SMG7: variants seen among roughly 807,000 people sequenced by gnomAD.
The protein encoded by SMG7 is nonsense-mediated mRNA decay factor SMG7.
SMG7 carries 34 observed loss-of-function variants against 148.2 expected under a neutral mutation model. The observed-to-expected ratio is 0.23, with a 90% CI of 0.17 to 0.31. The LOEUF is 0.31. SMG7 is among the 10% of genes least tolerant of loss of function. The pLI is 1.00. For synonymous variants in SMG7, 492 were observed against 515.1 expected (o/e 0.96, Z 0.61); for missense variants, 1,114 against 1,408.4 (o/e 0.79, Z 3.35).
rs762619434 is a variant in SMG7, at chr1:183,542,374, G to T, written c.1714G>T (p.Asp572Tyr). 1.2e-6 allele frequency: 2 copies of T among 1,613,908 alleles called. No homozygotes were observed. The highest frequency in any genetic ancestry group is 1.7e-6 in the Non-Finnish European group (2 of 1,179,938). ...RSFPPKEVRR[D>Y]YSKGITVTKN... Reference sequence around the variant, plus strand: ...TTTTCCTCCCAAAGAGGTGAGAAGGGACTATAGCAAAGGAATAACTGTAAC... The same window carrying T: ...TTTTCCTCCCAAAGAGGTGAGAAGGTACTATAGCAAAGGAATAACTGTAAC... Residue 572 changes from aspartate (D) to tyrosine (Y), a missense_variant, in exon 14 of 23, where the codon GAC becomes TAC. Asp to Tyr is a radical substitution (Grantham distance 160). Transcript: ENST00000688051.
intron 1 of SMG7, 161 bp downstream of exon 1, chr1:183,472,810 G>A: frequency 1.7e-6 from 1 of 583,084 alleles, no homozygotes; most frequent in Non-Finnish European, 2.6e-6. Flanking sequence ...GGGAGGGGGC[G>A]GAACGGGTAT....
chr1:183,526,872 A>G, intron 5 of SMG7, 105 bp downstream of exon 5: 1 of 885,036 alleles, frequency 1.1e-6, no homozygotes, highest in East Asian at 2.8e-5. Flanking sequence ...CACACAATTT[A>G]GATTGTCATA....
chr1:183,517,239 T>G (rs1310349505), intron 3 of SMG7, among the ~76,000 whole-genome samples: 2 of 152,186 alleles, frequency 1.3e-5, no homozygotes, highest in Non-Finnish European at 2.9e-5. Context: ...GGGAAATAAC[T>G]TTTGGGGAAG....
chr1:183,493,794 G>C (rs1657671191), intron 1 of SMG7, among the ~76,000 whole-genome samples: 1 of 152,134 alleles, frequency 6.6e-6, no homozygotes, highest in South Asian at 2.1e-4. Flanking sequence ...TGGCCAGGCT[G>C]TTCTCGAATG....
At chr1:183,510,924 G>A (rs1661968523) in intron 1 of SMG7, among the ~76,000 whole-genome samples, 1 of 151,818 alleles carries the variant, frequency 6.6e-6, no homozygotes, top group Non-Finnish European at 1.5e-5. Flanking sequence ...CTGGGAGGCG[G>A]AGCTTGCAGT....
chr1:183,490,225 A>C (rs970334903), intron 1 of SMG7, among the ~76,000 whole-genome samples: 3 of 152,240 alleles, frequency 2.0e-5, no homozygotes, highest in African/African-American at 7.2e-5. Context: ...AGGTAATCAG[A>C]AAGTAAAGCC....
chr1:183,490,008 A>T (rs1247812284), intron 1 of SMG7, among the ~76,000 whole-genome samples: 1 of 152,222 alleles, frequency 6.6e-6, no homozygotes, highest in Non-Finnish European at 1.5e-5. Flanking sequence ...CTGAATCAGA[A>T]CCTCTTGGGA....
chr1:183,482,721 AT>A (rs1266803872), intron 1 of SMG7, among the ~76,000 whole-genome samples: 1 of 152,144 alleles, frequency 6.6e-6, no homozygotes, highest in African/African-American at 2.4e-5. Flanking sequence ...AAGTTAAACT[AT>A]CATAGGTAAA....
intron 19 of SMG7, 135 bp from the exon 20 acceptor site, chr1:183,549,629 A>G (rs112772511): frequency 1.4e-6 from 1 of 724,974 alleles, no homozygotes; most frequent in East Asian, 2.5e-5. Context: ...TTGAAACAAA[A>G]AGAAATAAAA....
chr1:183,521,689 G>A (rs1156341744), intron 4 of SMG7, among the ~76,000 whole-genome samples: 1 of 152,002 alleles, frequency 6.6e-6, no homozygotes, highest in Non-Finnish European at 1.5e-5. Flanking sequence ...AACGTGGTGA[G>A]ACCCTATTCT....
At chr1:183,491,749 C>T (rs891050069) in intron 1 of SMG7, among the ~76,000 whole-genome samples, 1 of 151,998 alleles carries the variant, frequency 6.6e-6, no homozygotes, top group South Asian at 2.1e-4. Flanking sequence ...AATAAAATAC[C>T]TAAGACTAGG....
In SMG7 at chr1:183,552,068, C is replaced by T. The variant is rs1671158941; in HGVS notation, c.*137C>T. 2 of 1,343,562 alleles carry T rather than the reference C, an allele frequency of 1.5e-6. No individual in the cohort carries two copies. Among genetic ancestry groups the T allele is most frequent in the African/African-American group, 1.5e-5 (1 of 67,334 alleles). The allele number at this position is 1,343,562 out of a possible 1,614,324, so 83.2% of individuals were successfully genotyped here. A position where few individuals can be genotyped will look rare whatever the true frequency, so the allele number is the denominator to read the frequency against. ...TGTCAAGAGGGTGTAAGTATTCCACCAGCCCGCTGAGTGTGCACGAAATGT... is the reference window on the plus strand; with the variant it reads ...TGTCAAGAGGGTGTAAGTATTCCACTAGCCCGCTGAGTGTGCACGAAATGT... On this transcript the variant is annotated 3_prime_UTR_variant, in exon 23 of 23. Transcript: ENST00000688051.
At position 183,552,410 on chromosome 1, in the gene SMG7, A is replaced by G. The variant is rs1028015181; in HGVS notation, c.*479A>G. 13 of 989,662 alleles carry G rather than the reference A, an allele frequency of 1.3e-5. No homozygotes were observed. Among genetic ancestry groups the G allele is most frequent in the Non-Finnish European group, 1.2e-5 (10 of 832,482 alleles). The allele number at this position is 989,662 out of a possible 1,614,324, so 61.3% of individuals were successfully genotyped here. On this transcript the variant is annotated 3_prime_UTR_variant, in exon 23 of 23. Transcript: ENST00000688051. ...AACATCTTTTATTATTATTACTCTC[A>G]GTAGTAAAATATCACACTGAATTCT...
At chr1:183,551,524 T>C (rs192142885) in intron 22 of SMG7, among the ~76,000 whole-genome samples, 40 of 152,362 alleles carry the variant, frequency 2.6e-4, no homozygotes, top group Non-Finnish European at 4.1e-4. Flanking sequence ...AAATGTTTTA[T>C]TTGCCTGAAA....
At chr1:183,511,967 C>A (rs77960299) in intron 1 of SMG7, among the ~76,000 whole-genome samples, 24,572 of 152,134 alleles carry the variant, frequency 0.16, 2,293 homozygotes, top group African/African-American at 0.27. Context: ...ATGAAACAAC[C>A]TTACAAAGAG....
In SMG7 at chr1:183,542,454, C is replaced by G. The variant is rs1558053715; in HGVS notation, c.1794C>G (p.Cys598Trp). 1 of 1,613,888 alleles carries G rather than the reference C, an allele frequency of 6.2e-7. No homozygotes were observed. Among genetic ancestry groups the G allele is most frequent in the East Asian group, 2.2e-5 (1 of 44,848 alleles). Residue 598 changes from cysteine to tryptophan, a missense_variant, in exon 14 of 23, where the codon TGC becomes TGG. This residue lies in a region of SMG7 where 788 missense variants were observed against 894.5 expected (regional missense o/e 0.88). Coordinates refer to ENST00000688051, the MANE Select transcript of SMG7 (RefSeq NM_001375584.1). ...NNKRKTETKK[C>W]TLEKLQETGK... is the part of the protein sequence containing the mutation. ...AGAGGAAAACTGAAACCAAGAAATG[C>G]ACCTTAGAAAAGTTACAGGAAACAG...
intron 4 of SMG7, among the ~76,000 whole-genome samples, chr1:183,520,626 T>C (rs1465745807): frequency 6.6e-6 from 1 of 152,194 alleles, no homozygotes; most frequent in Non-Finnish European, 1.5e-5. Context: ...GGAAGGCATC[T>C]ACCTTCTGCA....
At chr1:183,476,493 T>G (rs1214826167) in intron 1 of SMG7, among the ~76,000 whole-genome samples, 1 of 151,986 alleles carries the variant, frequency 6.6e-6, no homozygotes, top group African/African-American at 2.4e-5. Context: ...TTCAGAAGGG[T>G]CAGAAATGAA....
At chr1:183,538,330 AAAC>A in intron 11 of SMG7, 47 bp from the exon 12 acceptor site, 1 of 1,330,062 alleles carries the variant, frequency 7.5e-7, no homozygotes, top group East Asian at 2.3e-5. Context: ...GTATTCCACC[AAAC>A]AACATTTTAA....
Sources: allele counts gnomAD v4.1 joint callset (sites outside exome capture counted in the v4.1 genomes callset), GRCh38; gene constraint gnomAD v4.1.1; regional missense constraint gnomAD v4.1.1; transcripts MANE v1.5; gene names NCBI Gene and HGNC (gene_info 2026-07-23, HGNC 2026-07-21).